UNC13A: variants seen among roughly 807,000 people sequenced by gnomAD.
UNC13A encodes unc-13 homolog A.
In UNC13A, 61 loss-of-function variants were observed where a neutral mutation model predicts 219.7. That is an observed-to-expected ratio of 0.28 (90% CI 0.23 to 0.34). The LOEUF is 0.34. Among genes scored for constraint, UNC13A ranks in the 10% least tolerant of loss-of-function variants. The probability of loss-of-function intolerance (pLI) is 1.00; values close to 1 mark genes in which losing one functional copy is unlikely to be tolerated. For missense variants in UNC13A, 1,476 were observed against 2,270.3 expected, an observed-to-expected ratio of 0.65 and a Z score of 7.11; for synonymous variants, 920 against 884.6, an observed-to-expected ratio of 1.04 and a Z score of -0.71.
chr19:17,682,099 C>T (rs997814648), intron 1 of UNC13A, among the ~76,000 whole-genome samples: 4 of 151,960 alleles, frequency 2.6e-5, no homozygotes, highest in Non-Finnish European at 5.9e-5. Context: ...ACTACAGGCG[C>T]GCGCCACCAT....
chr19:17,635,742 T>TA (rs1356143397), intron 26 of UNC13A, among the ~76,000 whole-genome samples: 2 of 152,128 alleles, frequency 1.3e-5, no homozygotes, highest in Non-Finnish European at 2.9e-5. Context: ...TACATACACA[T>TA]AAAAAATTAT....
At chr19:17,643,094 C>T in intron 19 of UNC13A, 134 bp from the exon 20 acceptor site, 3 of 612,120 alleles carry the variant, frequency 4.9e-6, no homozygotes, top group South Asian at 4.1e-5. Context: ...TCACTGCAAC[C>T]TCCACCTCCT....
intron 26 of UNC13A, among the ~76,000 whole-genome samples, chr19:17,635,516 CATACACA>C (rs1857663611): frequency 1.3e-5 from 2 of 152,162 alleles, no homozygotes; most frequent in African/African-American, 4.8e-5. Flanking sequence ...TGCCCATATT[CATACACA>C]ATACACAATA....
At chr19:17,659,303 TGTG>T (rs1191448798) in intron 8 of UNC13A, among the ~76,000 whole-genome samples, 5 of 149,982 alleles carry the variant, frequency 3.3e-5, no homozygotes, top group African/African-American at 1.2e-4. Context: ...ATTAGCCAGG[TGTG>T]GTGGCATGTG....
At chr19:17,614,678 T>G (rs2076642982) in intron 41 of UNC13A, among the ~76,000 whole-genome samples, 1 of 152,020 alleles carries the variant, frequency 6.6e-6, no homozygotes, top group African/African-American at 2.4e-5. Flanking sequence ...GACTGAGGGT[T>G]GGGGAGCACA....
At chr19:17,652,115 CATTT>C (rs58443609) in intron 12 of UNC13A, among the ~76,000 whole-genome samples, 102,558 of 151,154 alleles carry the variant, frequency 0.68, 35,714 homozygotes, top group African/African-American at 0.85. Context: ...CTTTATCTTA[CATTT>C]ATTTATTTAT....
At chr19:17,684,940 A>G (rs1378750968) in intron 1 of UNC13A, among the ~76,000 whole-genome samples, 1 of 152,224 alleles carries the variant, frequency 6.6e-6, no homozygotes, top group African/African-American at 2.4e-5. Flanking sequence ...ACATGGATGC[A>G]GTTCTGTGGC....
chr19:17,665,336 A>G (rs947884920), intron 7 of UNC13A, among the ~76,000 whole-genome samples: 1 of 152,152 alleles, frequency 6.6e-6, no homozygotes, highest in Non-Finnish European at 1.5e-5. Context: ...CCCCTCCACC[A>G]CAGAGCAATG....
At chr19:17,614,881 G>C (rs2076645904) in intron 41 of UNC13A, among the ~76,000 whole-genome samples, 1 of 152,206 alleles carries the variant, frequency 6.6e-6, no homozygotes, top group Admixed American at 6.5e-5. Flanking sequence ...CCAGACTGGG[G>C]TGCCGGGGGT....
intron 41 of UNC13A, 76 bp from the exon 42 acceptor site, chr19:17,611,931 C>T (rs1173146983): frequency 1.5e-6 from 2 of 1,331,566 alleles, no homozygotes; most frequent in Non-Finnish European, 2.1e-6. Flanking sequence ...TGACGGCCTC[C>T]CACCCACCTG....
chr19:17,644,600 T>G (rs1427882261), intron 19 of UNC13A, among the ~76,000 whole-genome samples: 1 of 149,840 alleles, frequency 6.7e-6, no homozygotes, highest in Non-Finnish European at 1.5e-5. Context: ...CTCGCCATGT[T>G]GGACAATCTG....
At chr19:17,639,371 TC>T in intron 24 of UNC13A, 64 bp downstream of exon 24, 1 of 1,577,404 alleles carries the variant, frequency 6.3e-7, no homozygotes. Flanking sequence ...ATGTCACTTG[TC>T]CTGGGAGCTG....
rs114864535 is a variant in UNC13A at position 17,664,100 on chromosome 19, G to A, written c.524-533C>T. 9.0e-3 allele frequency among the ~76,000 whole-genome samples: 1,371 copies of A among 152,202 alleles called. 26 individuals carry two copies. Among genetic ancestry groups the A allele is most frequent in the African/African-American group, 0.031 (1,283 of 41,524 alleles). ...TTTACAGGCATGAGCCACTGTGCCT[G>A]GCTCAGTTTTCAATGAGAGGAAAGG... On this transcript the variant is annotated intron_variant, in intron 7 of 43. Transcript: ENST00000519716.
At chr19:17,644,953 T>C (rs1249613346) in intron 19 of UNC13A, among the ~76,000 whole-genome samples, 2 of 148,898 alleles carry the variant, frequency 1.3e-5, no homozygotes, top group South Asian at 4.3e-4. Context: ...CAGCCTCCCA[T>C]AGTGATAGGA....
chr19:17,678,635 C>G (rs371021182), intron 1 of UNC13A, among the ~76,000 whole-genome samples: 111 of 152,008 alleles, frequency 7.3e-4, no homozygotes, highest in African/African-American at 2.6e-3. Flanking sequence ...CCCCAGGGAG[C>G]GCACCCACCC....
At chr19:17,639,935 T>C in intron 22 of UNC13A, 27 bp from the exon 23 acceptor site, 1 of 1,612,890 alleles carries the variant, frequency 6.2e-7, no homozygotes, top group South Asian at 1.1e-5. Context: ...GGAGGGAGGA[T>C]GGATGGAGGC....
rs1250743904 is a variant in UNC13A, at chr19:17,648,684, C to T, written c.1597-34G>A. On this transcript the variant is annotated intron_variant, in intron 15 of 43. Coordinates refer to ENST00000519716, the MANE Select transcript of UNC13A (RefSeq NM_001080421.3). ...AGGGATGGGGTGCGGTTTGGGGGCGCCTAACCTGGCGCTGTCCCTGTCCTG... is the reference window on the plus strand; with the variant it reads ...AGGGATGGGGTGCGGTTTGGGGGCGTCTAACCTGGCGCTGTCCCTGTCCTG... The T allele has an allele frequency of 1.4e-5, 22 of 1,584,408 alleles. No individual in the cohort carries two copies. In the Admixed American group the frequency reaches 3.8e-4, roughly 27 times the overall value.
In UNC13A at chr19:17,627,387, C is replaced by T; in HGVS notation, c.3920+122G>A. On this transcript the variant is annotated intron_variant, in intron 33 of 43. Transcript: ENST00000519716. The surrounding 1 kb of genome is among the most constrained non-coding windows in gnomAD (Gnocchi z 4.7). ...CAGTAAAGCCAAGATTTGAACTCAGCCTTGTCTAACTCTGAGCCTGCAATC... is the reference window on the plus strand; with the variant it reads ...CAGTAAAGCCAAGATTTGAACTCAGTCTTGTCTAACTCTGAGCCTGCAATC... 1 of 748,760 alleles carries T rather than the reference C, an allele frequency of 1.3e-6. No homozygotes were observed. The highest frequency in any genetic ancestry group is 1.8e-5 in the South Asian group (1 of 55,810). 46.4% of individuals were successfully genotyped at this position (748,760 alleles called of 1,614,324 possible).
chr19:17,610,295 G>A (rs2076588311), intron 42 of UNC13A, among the ~76,000 whole-genome samples, 196 bp from the exon 43 acceptor site: 1 of 151,644 alleles, frequency 6.6e-6, no homozygotes, highest in African/African-American at 2.4e-5. Flanking sequence ...GTGAAACCCT[G>A]TCTCTACGAA....
Sources: allele counts gnomAD v4.1 joint callset (sites outside exome capture counted in the v4.1 genomes callset), GRCh38; gene constraint gnomAD v4.1.1; non-coding constraint Gnocchi (gnomAD v3.1); transcripts MANE v1.5; gene names NCBI Gene and HGNC (gene_info 2026-07-23, HGNC 2026-07-21).